Variants in SGCZ observed in about 807,000 individuals in gnomAD.
SGCZ encodes the protein sarcoglycan zeta, also known as zeta-sarcoglycan.
Under a neutral mutation model 41.3 loss-of-function variants are expected in SGCZ, and 40 were observed. That is an observed-to-expected ratio of 0.97 (90% CI 0.75 to 1.26). SGCZ has a LOEUF of 1.26. Among genes scored for constraint, SGCZ ranks in the 50% most tolerant of loss-of-function variants. The probability of loss-of-function intolerance (pLI) is 0.00; values close to 1 mark genes in which losing one functional copy is unlikely to be tolerated. For missense variants in SGCZ, 552 were observed against 369.8 expected, an observed-to-expected ratio of 1.49 and a Z score of -4.04; for synonymous variants, 206 against 137.5, an observed-to-expected ratio of 1.50 and a Z score of -3.49.
intron 3 of SGCZ, chr8:14,309,570 A>C: frequency 6.2e-7 from 1 of 1,610,838 alleles, no homozygotes; most frequent in Non-Finnish European, 8.5e-7. Context: ...ACGGTATAAC[A>C]AGGAAAGGTT....
intron 2 of SGCZ, among the ~76,000 whole-genome samples, chr8:14,389,172 T>C (rs1804673466): frequency 6.6e-6 from 1 of 151,888 alleles, no homozygotes; most frequent in African/African-American, 2.4e-5. Flanking sequence ...ACAATATACT[T>C]GGAGAAATCA....
rs555248149 is a variant in SGCZ at position 14,342,832 on chromosome 8, T to C, written c.235-18628A>G. Among the ~76,000 whole-genome samples the C allele has an allele frequency of 2.1e-4, 32 of 152,242 alleles. 1 individual carries two copies. The South Asian group carries it at 5.2e-3, about 25-fold the overall frequency. On this transcript the variant is annotated intron_variant, in intron 2 of 7. Coordinates refer to ENST00000382080, the MANE Select transcript of SGCZ (RefSeq NM_139167.4). Reference sequence around the variant, plus strand: ...AACCTAGTGTTAATCACCAAGACTATGGGAAAAATTATCTCCAGGCCATGA... The same window carrying C: ...AACCTAGTGTTAATCACCAAGACTACGGGAAAAATTATCTCCAGGCCATGA...
At chr8:15,155,507 C>T (rs2117027555) in intron 1 of SGCZ, among the ~76,000 whole-genome samples, 1 of 152,156 alleles carries the variant, frequency 6.6e-6, no homozygotes, top group Non-Finnish European at 1.5e-5. Flanking sequence ...TAAAGTAGCA[C>T]AACAGATGTA....
chr8:14,706,070 T>C (rs967315665), intron 1 of SGCZ, among the ~76,000 whole-genome samples: 1 of 152,038 alleles, frequency 6.6e-6, no homozygotes, highest in Non-Finnish European at 1.5e-5. Flanking sequence ...CATGACTCCT[T>C]GCTGAAGAAC....
At chr8:14,629,586 G>A (rs1293175935) in intron 1 of SGCZ, among the ~76,000 whole-genome samples, 1 of 152,058 alleles carries the variant, frequency 6.6e-6, no homozygotes, top group South Asian at 2.1e-4. Context: ...CTTAGCCACT[G>A]GAAAGTGACT....
At chr8:14,438,999 A>C (rs1800169159) in intron 2 of SGCZ, among the ~76,000 whole-genome samples, 1 of 152,026 alleles carries the variant, frequency 6.6e-6, no homozygotes, top group Non-Finnish European at 1.5e-5. Flanking sequence ...GATGATTATA[A>C]TGCAGGATCT....
At chr8:14,973,000 G>A (rs1801351389) in intron 1 of SGCZ, among the ~76,000 whole-genome samples, 1 of 152,040 alleles carries the variant, frequency 6.6e-6, no homozygotes, top group Admixed American at 6.6e-5. Context: ...TTGTGTGCCT[G>A]GTAATGTTTA....
At chr8:14,460,468 G>A (rs544343150) in intron 2 of SGCZ, among the ~76,000 whole-genome samples, 6 of 152,260 alleles carry the variant, frequency 3.9e-5, no homozygotes, top group Non-Finnish European at 7.4e-5. Context: ...GTGCTCACTT[G>A]CAGGGTATGG....
chr8:14,796,272 C>T (rs1358642344), intron 1 of SGCZ, among the ~76,000 whole-genome samples: 2 of 152,128 alleles, frequency 1.3e-5, no homozygotes, highest in African/African-American at 4.8e-5. Context: ...AATGGCTGAA[C>T]TAATGCCTGC....
chr8:15,087,165 G>C (rs1457171792), intron 1 of SGCZ, among the ~76,000 whole-genome samples: 2 of 152,028 alleles, frequency 1.3e-5, no homozygotes, highest in African/African-American at 4.8e-5. Context: ...TGACTATAGA[G>C]ATTAAAGGTA....
chr8:14,342,073 G>A (rs55668125), intron 2 of SGCZ, among the ~76,000 whole-genome samples: 6,799 of 152,194 alleles, frequency 0.045, 505 homozygotes, highest in African/African-American at 0.15. Context: ...GAAAAATGTA[G>A]GAAAGTTTGG....
At position 15,217,840 on chromosome 8, in the gene SGCZ, C is replaced by G. The variant is rs1801463651; in HGVS notation, c.39+19745G>C. Among the ~76,000 whole-genome samples, 7 of 152,190 alleles carry G rather than the reference C, an allele frequency of 4.6e-5. No individual in the cohort carries two copies. The South Asian group carries it at 1.4e-3, about 32-fold the overall frequency. On this transcript the variant is annotated intron_variant, in intron 1 of 7. Transcript: ENST00000382080. The stretch of plus-strand genomic sequence containing the variant: ...GTGGCATTCATGCCTATAATCCCAG[C>G]ACTTTGGGAGGCTGAGTTGGACGGA...
At chr8:14,563,188 T>G (rs1314255311) in intron 1 of SGCZ, among the ~76,000 whole-genome samples, 2 of 152,198 alleles carry the variant, frequency 1.3e-5, no homozygotes, top group African/African-American at 4.8e-5. Context: ...GCTTGCTCTG[T>G]GTGGATTTCA....
intron 1 of SGCZ, among the ~76,000 whole-genome samples, chr8:15,116,659 G>C (rs11991092): frequency 0.062 from 9,380 of 152,226 alleles, 980 homozygotes; most frequent in African/African-American, 0.21. Flanking sequence ...AAGCACATAG[G>C]AAAAGTGAAA....
At chr8:14,135,983 T>C (rs1803184947) in intron 5 of SGCZ, among the ~76,000 whole-genome samples, 1 of 152,176 alleles carries the variant, frequency 6.6e-6, no homozygotes, top group Admixed American at 6.5e-5. Context: ...ATGAGATTGG[T>C]AGTACCCTCA....
At chr8:14,323,332 A>T (rs1041481023) in intron 3 of SGCZ, among the ~76,000 whole-genome samples, 1 of 152,116 alleles carries the variant, frequency 6.6e-6, no homozygotes, top group Admixed American at 6.6e-5. Flanking sequence ...CATTTATGAA[A>T]AAAGTATAAC....
rs964396239 is a variant in SGCZ, at chr8:14,412,401, T to C, written c.235-88197A>G. On this transcript the variant is annotated intron_variant, in intron 2 of 7. Transcript: ENST00000382080. ...GTGTTTCCCTTTAGATCACTGGGTATGCGTACATTTGAATGTCTAGTTCAT... is the reference window on the plus strand; with the variant it reads ...GTGTTTCCCTTTAGATCACTGGGTACGCGTACATTTGAATGTCTAGTTCAT... Among the ~76,000 whole-genome samples, 5 of 152,250 alleles carry C rather than the reference T, an allele frequency of 3.3e-5. No individual in the cohort carries two copies. The East Asian group carries it at 5.8e-4, about 18-fold the overall frequency.
intron 1 of SGCZ, among the ~76,000 whole-genome samples, chr8:14,733,157 A>T (rs1479596357): frequency 6.6e-6 from 1 of 152,060 alleles, no homozygotes; most frequent in Non-Finnish European, 1.5e-5. Flanking sequence ...GGGCTCTGAC[A>T]CTTTGAGCCA....
chr8:14,844,431 T>C (rs996842576), intron 1 of SGCZ, among the ~76,000 whole-genome samples: 5 of 152,324 alleles, frequency 3.3e-5, no homozygotes, highest in African/African-American at 1.2e-4. Flanking sequence ...GTTACAACTA[T>C]GATTTCCAAC....
Sources: allele counts gnomAD v4.1 joint callset (sites outside exome capture counted in the v4.1 genomes callset), GRCh38; gene constraint gnomAD v4.1.1; transcripts MANE v1.5; gene names NCBI Gene and HGNC (gene_info 2026-07-23, HGNC 2026-07-21).